RAB38: variants seen among roughly 807,000 people sequenced by gnomAD.
RAB38 encodes the protein RAB38, member RAS oncogene family, also known as ras-related protein Rab-38.
In RAB38, 15 loss-of-function variants were observed where a neutral mutation model predicts 18.4. That is an observed-to-expected ratio of 0.82 (90% CI 0.55 to 1.26). The LOEUF (loss-of-function observed/expected upper bound fraction) is 1.26, where lower values mean the gene tolerates loss of function less well. Among genes scored for constraint, RAB38 ranks in the 50% most tolerant of loss-of-function variants. The pLI is 0.00. For synonymous variants in RAB38, 101 were observed against 104.4 expected (o/e 0.97, Z 0.20); for missense variants, 294 against 267.4 (o/e 1.10, Z -0.69).
the RAB38 span, among the ~76,000 whole-genome samples, chr11:88,053,230 AATATATATATACACAC>A: frequency 8.1e-6 from 1 of 123,886 alleles, no homozygotes; most frequent in Non-Finnish European, 1.6e-5. Flanking sequence ...ATATATATGG[AATATATATATACACAC>A]ATATATATGG....
chr11:87,907,038 A>G, the RAB38 span, among the ~76,000 whole-genome samples: 2 of 151,894 alleles, frequency 1.3e-5, no homozygotes, highest in African/African-American at 4.8e-5. Flanking sequence ...CTTTGTACAT[A>G]TATGTTTGTG....
chr11:87,949,203 G>A, the RAB38 span, among the ~76,000 whole-genome samples: 1 of 152,128 alleles, frequency 6.6e-6, no homozygotes, highest in African/African-American at 2.4e-5. Flanking sequence ...TTCTCTGACG[G>A]TAGTTTGTAT....
At chr11:87,810,547 TAAGG>T in the RAB38 span, among the ~76,000 whole-genome samples, 1 of 152,140 alleles carries the variant, frequency 6.6e-6, no homozygotes, top group Admixed American at 6.5e-5. Context: ...AGTAAAAAAA[TAAGG>T]AAGAATATGT....
At chr11:87,871,483 A>G in the RAB38 span, among the ~76,000 whole-genome samples, 4 of 151,694 alleles carry the variant, frequency 2.6e-5, no homozygotes, top group South Asian at 8.3e-4. Flanking sequence ...TCATATACCT[A>G]TGTTTAAAAT....
the RAB38 span, among the ~76,000 whole-genome samples, chr11:87,941,529 C>T: frequency 6.6e-6 from 1 of 151,878 alleles, no homozygotes; most frequent in Non-Finnish European, 1.5e-5. Context: ...GATTCTCTTC[C>T]TCATTGCACC....
chr11:88,140,892 A>G (rs886657013), intron 2 of RAB38, among the ~76,000 whole-genome samples: 1 of 152,176 alleles, frequency 6.6e-6, no homozygotes, highest in Non-Finnish European at 1.5e-5. Context: ...GGATAATTAT[A>G]TTTCCAGAAA....
At chr11:88,138,576 A>G (rs1158780156) in intron 2 of RAB38, among the ~76,000 whole-genome samples, 1 of 152,108 alleles carries the variant, frequency 6.6e-6, no homozygotes, top group African/African-American at 2.4e-5. Context: ...GTTGGGTTCT[A>G]ATTTTGACTC....
chr11:87,869,514 A>T, the RAB38 span, among the ~76,000 whole-genome samples: 161 of 151,752 alleles, frequency 1.1e-3, no homozygotes, highest in Admixed American at 3.3e-3. Context: ...GTATCAAATC[A>T]TTTTGGAAAA....
chr11:87,866,852 G>T, the RAB38 span, among the ~76,000 whole-genome samples: 1 of 151,792 alleles, frequency 6.6e-6, no homozygotes, highest in Admixed American at 6.6e-5. Context: ...AGTCAGGAAA[G>T]CTTCTGGCAT....
the RAB38 span, among the ~76,000 whole-genome samples, chr11:87,874,004 G>T: frequency 6.8e-6 from 1 of 146,960 alleles, no homozygotes; most frequent in African/African-American, 2.5e-5. Flanking sequence ...CTCAATCTGT[G>T]GTTTCCCTTT....
At chr11:87,857,763 A>T in the RAB38 span, among the ~76,000 whole-genome samples, 1 of 152,104 alleles carries the variant, frequency 6.6e-6, no homozygotes, top group Non-Finnish European at 1.5e-5. Context: ...TCTGGATATT[A>T]GCCTTTTTCA....
chr11:87,961,581 T>C, the RAB38 span, among the ~76,000 whole-genome samples: 1 of 152,144 alleles, frequency 6.6e-6, no homozygotes, highest in South Asian at 2.1e-4. Flanking sequence ...TCCAACTAGA[T>C]TTGATTTTCT....
the RAB38 span, among the ~76,000 whole-genome samples, chr11:88,074,119 A>G: frequency 6.6e-6 from 1 of 152,240 alleles, no homozygotes; most frequent in South Asian, 2.1e-4. Context: ...CTTATTTTAA[A>G]AAAGTAACAG....
the RAB38 span, among the ~76,000 whole-genome samples, chr11:88,031,114 C>A: frequency 5.3e-5 from 8 of 151,598 alleles, no homozygotes; most frequent in Non-Finnish European, 1.0e-4. Flanking sequence ...ATAAACAGAA[C>A]CAAAGACAAA....
the RAB38 span, among the ~76,000 whole-genome samples, chr11:88,058,902 T>C: frequency 6.6e-6 from 1 of 152,202 alleles, no homozygotes; most frequent in Non-Finnish European, 1.5e-5. Context: ...GCCACTCACC[T>C]GCAGATTTAT....
At chr11:88,011,385 C>G in the RAB38 span, among the ~76,000 whole-genome samples, 3 of 152,174 alleles carry the variant, frequency 2.0e-5, no homozygotes, top group African/African-American at 7.2e-5. Flanking sequence ...CCATCTCTAT[C>G]AAGATGTATG....
At chr11:87,893,390 A>ATATATATATATATATATATTTTTT in the RAB38 span, among the ~76,000 whole-genome samples, 105 of 93,874 alleles carry the variant, frequency 1.1e-3, no homozygotes, top group East Asian at 3.6e-3. Flanking sequence ...ATATATATAT[A>ATATATATATATATATATATTTTTT]TTTTTTTTTT....
chr11:87,844,067 A>C, the RAB38 span, among the ~76,000 whole-genome samples: 1 of 152,130 alleles, frequency 6.6e-6, no homozygotes, highest in East Asian at 1.9e-4. Context: ...TCTGCTCATG[A>C]CCTTCATATA....
chr11:87,892,127 A>C, the RAB38 span, among the ~76,000 whole-genome samples: 1 of 151,820 alleles, frequency 6.6e-6, no homozygotes, highest in Non-Finnish European at 1.5e-5. Flanking sequence ...TCAAACTGCC[A>C]TGTGCAGTCT....
Sources: gnomAD v4.1 joint callset for allele counts (sites outside exome capture counted in the v4.1 genomes callset) on GRCh38, gnomAD v4.1.1 for gene constraint, MANE v1.5 for transcripts, NCBI Gene and HGNC (gene_info 2026-07-23, HGNC 2026-07-21) for gene names.